Variants in VRK2 observed in about 807,000 individuals in gnomAD.
The protein encoded by VRK2 is serine/threonine-protein kinase VRK2.
VRK2 carries 60 observed loss-of-function variants against 57.6 expected under a neutral mutation model. The observed-to-expected ratio is 1.04, with a 90% confidence interval of 0.85 to 1.29. The LOEUF (loss-of-function observed/expected upper bound fraction) is 1.29, where lower values mean the gene tolerates loss of function less well. Among genes scored for constraint, VRK2 ranks in the 50% most tolerant of loss-of-function variants. The pLI is 0.00. For missense variants in VRK2, 705 were observed against 588.1 expected (o/e 1.20, Z -2.06); for synonymous variants, 231 against 199.2 (o/e 1.16, Z -1.35).
chr2:58,118,646 CAG>C (rs1163686212), intron 7 of VRK2, among the ~76,000 whole-genome samples: 4 of 152,068 alleles, frequency 2.6e-5, no homozygotes, highest in Non-Finnish European at 5.9e-5. Flanking sequence ...AGCAGGAGGA[CAG>C]GGGATTGATC....
At chr2:57,918,109 A>T (rs1166384699) in intron 1 of VRK2, among the ~76,000 whole-genome samples, 5 of 152,170 alleles carry the variant, frequency 3.3e-5, no homozygotes, top group African/African-American at 1.2e-4. Context: ...AATACATTGC[A>T]AATTGTTGAA....
intron 7 of VRK2, among the ~76,000 whole-genome samples, chr2:58,094,426 A>G (rs1487287308): frequency 1.3e-5 from 2 of 152,184 alleles, no homozygotes; most frequent in African/African-American, 4.8e-5. Flanking sequence ...TCTTTGAAGC[A>G]GTTGTGAATG....
At chr2:57,958,645 A>G (rs1419109783) in intron 1 of VRK2, among the ~76,000 whole-genome samples, 1 of 152,094 alleles carries the variant, frequency 6.6e-6, no homozygotes, top group Non-Finnish European at 1.5e-5. Flanking sequence ...TTTCATGTGC[A>G]GTTAATTCTA....
At chr2:57,937,858 G>A (rs1238178334) in intron 1 of VRK2, among the ~76,000 whole-genome samples, 2 of 123,378 alleles carry the variant, frequency 1.6e-5, no homozygotes, top group Non-Finnish European at 3.2e-5. Context: ...TTGAGGCGGA[G>A]TCTTGCCCTG....
chr2:57,919,431 A>G (rs1670263891), intron 1 of VRK2, among the ~76,000 whole-genome samples: 1 of 152,074 alleles, frequency 6.6e-6, no homozygotes, highest in Non-Finnish European at 1.5e-5. Flanking sequence ...GGCTGGCAAT[A>G]ATTTCTGAGT....
chr2:57,954,680 T>C (rs1671530451), intron 1 of VRK2, among the ~76,000 whole-genome samples: 1 of 152,008 alleles, frequency 6.6e-6, no homozygotes, highest in Admixed American at 6.6e-5. Context: ...GATACTAGAT[T>C]ATAGGGTCAA....
chr2:57,912,336 T>C (rs1490067794), intron 1 of VRK2, among the ~76,000 whole-genome samples: 3 of 152,196 alleles, frequency 2.0e-5, no homozygotes, highest in Non-Finnish European at 4.4e-5. Flanking sequence ...AGTCCAAGAG[T>C]GTCCAAGGGA....
chr2:58,139,597 T>G, intron 10 of VRK2, 69 bp from the exon 11 acceptor site: 117 of 1,345,316 alleles, frequency 8.7e-5, no homozygotes, highest in Non-Finnish European at 1.1e-4. Flanking sequence ...ACAAAGATTT[T>G]GAGATTACTG....
chr2:58,056,994 C>T (rs1168410993), intron 2 of VRK2, among the ~76,000 whole-genome samples: 1 of 152,094 alleles, frequency 6.6e-6, no homozygotes, highest in Non-Finnish European at 1.5e-5. Flanking sequence ...TTTCTTTGTT[C>T]CGATGGTGTG....
chr2:58,115,785 C>G lies in VRK2; in HGVS notation c.544-7316C>G, dbSNP rs542109021. ...GAAGTAACGGGGGCTGTCTGTGAAG[C>G]CTTGCGGCAGTACAGCCCAGGTAAT... is the stretch of plus-strand genomic sequence containing the variant. On this transcript the variant is annotated intron_variant, in intron 7 of 12. Transcript: ENST00000340157. Among the ~76,000 whole-genome samples, 631 of 152,304 alleles carry G rather than the reference C, an allele frequency of 4.1e-3. 7 individuals are homozygous for G. Among genetic ancestry groups the G allele is most frequent in the African/African-American group, 0.014 (590 of 41,560 alleles).
chr2:58,045,368 T>C (rs1225574696), upstream of VRK2, among the ~76,000 whole-genome samples: 1 of 152,144 alleles, frequency 6.6e-6, no homozygotes, highest in African/African-American at 2.4e-5. Context: ...CTGCTGTGGT[T>C]GCTACTGGAG....
At chr2:58,136,870 T>G (rs879352942) in intron 10 of VRK2, among the ~76,000 whole-genome samples, 1 of 83,312 alleles carries the variant, frequency 1.2e-5, no homozygotes, top group Admixed American at 1.2e-4. Flanking sequence ...TGTATATATA[T>G]CATATATTAT....
chr2:57,988,880 A>G (rs901533203), intron 1 of VRK2, among the ~76,000 whole-genome samples: 2 of 152,160 alleles, frequency 1.3e-5, no homozygotes, highest in African/African-American at 2.4e-5. Context: ...TATGTATTAT[A>G]TTTCTCTGGA....
At chr2:58,159,874 G>A, downstream of VRK2, 1 of 1,596,268 alleles carries the variant, frequency 6.3e-7, no homozygotes, top group Non-Finnish European at 8.5e-7. Context: ...ACTAGAAATA[G>A]TGTCATAGAA....
intron 7 of VRK2, among the ~76,000 whole-genome samples, chr2:58,099,284 T>C (rs1673613489): frequency 6.6e-6 from 1 of 152,066 alleles, no homozygotes; most frequent in African/African-American, 2.4e-5. Flanking sequence ...CAACAGTTTA[T>C]ATGAAGCCTT....
In VRK2 at chr2:58,084,070, G is replaced by A; in HGVS notation, c.137-19G>A. 1.9e-6 allele frequency: 3 copies of A among 1,603,472 alleles called. No homozygotes were observed. The highest frequency in any genetic ancestry group is 1.1e-5 in the South Asian group (1 of 88,802). On this transcript the variant is annotated intron_variant, in intron 2 of 12. Transcript: ENST00000340157. ...GGGAATAACTATTTTTCTCCATTGT[G>A]TGTTTTTTTTGTCTGCAGCTTTCCC...
chr2:57,968,408 A>C (rs1007447215), intron 1 of VRK2, among the ~76,000 whole-genome samples: 1 of 152,114 alleles, frequency 6.6e-6, no homozygotes. Flanking sequence ...CTTAGGAAAA[A>C]AATAGATACT....
intron 8 of VRK2, among the ~76,000 whole-genome samples, chr2:58,125,820 G>A (rs763196484): frequency 5.9e-5 from 9 of 151,956 alleles, no homozygotes; most frequent in South Asian, 2.1e-4. Context: ...ACATTTTAAT[G>A]TGAAGTTTTA....
intron 1 of VRK2, among the ~76,000 whole-genome samples, chr2:57,919,159 G>T (rs949134786): frequency 6.6e-6 from 1 of 152,046 alleles, no homozygotes; most frequent in Non-Finnish European, 1.5e-5. Flanking sequence ...GGCAGACTCT[G>T]CCCAAAGAGG....
Sources: gnomAD v4.1 joint callset for allele counts (sites outside exome capture counted in the v4.1 genomes callset) on GRCh38, gnomAD v4.1.1 for gene constraint, MANE v1.5 for transcripts, NCBI Gene and HGNC (gene_info 2026-07-23, HGNC 2026-07-21) for gene names.